The following SLC35F4 variants were observed in gnomAD, a reference collection of about 807,000 sequenced individuals.
SLC35F4 encodes solute carrier family 35 member F4.
Under a neutral mutation model 44.2 loss-of-function variants are expected in SLC35F4, and 24 were observed. The ratio of observed to expected loss-of-function variants is 0.54; its 90% CI spans 0.39 to 0.76. The LOEUF (loss-of-function observed/expected upper bound fraction) is 0.76. Among genes scored for constraint, SLC35F4 ranks in the 30% least tolerant of loss-of-function variants. The pLI, the probability that SLC35F4 is intolerant of heterozygous loss-of-function variation, is 0.00. For missense variants in SLC35F4, 562 were observed against 586.1 expected, an observed-to-expected ratio of 0.96 and a Z score of 0.42; for synonymous variants, 238 against 223.6, an observed-to-expected ratio of 1.06 and a Z score of -0.57.
chr14:57,586,758 C>T lies in SLC35F4; in HGVS notation c.587+2458G>A, dbSNP rs2069766764. On this transcript the variant is annotated intron_variant, in intron 3 of 7. Transcript: ENST00000556826. ...AAAAAAAAAAAAAAAGACTTCATGA[C>T]TAAAACACCAAAAGCAATGGCAACA... Among the ~76,000 whole-genome samples, 6 of 104,072 alleles carry T rather than the reference C, an allele frequency of 5.8e-5. No homozygotes were observed. In the South Asian group the frequency reaches 2.3e-3, roughly 39 times the overall value. 68.3% of individuals were successfully genotyped at this position (104,072 alleles called of 152,430 possible). A position where few individuals can be genotyped will look rare whatever the true frequency, so the allele number is the denominator to read the frequency against.
intron 1 of SLC35F4, among the ~76,000 whole-genome samples, chr14:57,675,159 C>T (rs1335925974): frequency 6.6e-6 from 1 of 152,034 alleles, no homozygotes; most frequent in Admixed American, 6.6e-5. Context: ...TGGTAGGGAA[C>T]TTTCTGATAG....
intron 1 of SLC35F4, among the ~76,000 whole-genome samples, chr14:57,725,427 G>A (rs115238329): frequency 0.019 from 2,858 of 152,326 alleles, 45 homozygotes; most frequent in African/African-American, 0.042. Flanking sequence ...GGAAAGGGTA[G>A]AGGTTTGTCC....
At chr14:57,972,240 T>A (rs183157724), downstream of SLC35F4, among the ~76,000 whole-genome samples, 87 of 152,208 alleles carry the variant, frequency 5.7e-4, 1 homozygote, top group Admixed American at 5.3e-3. Flanking sequence ...GTTCTAAATA[T>A]GAAAAAATGA....
At position 57,945,438 on chromosome 14, in the gene SLC35F4, AATGTGT is replaced by A. The variant is rs1455239646; in HGVS notation, n.282+36469_282+36474del. On this transcript the variant is annotated intron_variant and non_coding_transcript_variant, in intron 1 of 1. Transcript: ENST00000556568. ...CTCTTTACCAGGTAAGAGCAATGAT[AATGTGT>A]GTGTGTGTGTGTGTGTGTGTGTGTG... Among the ~76,000 whole-genome samples the A allele has an allele frequency of 2.3e-4, 17 of 75,448 alleles. 4 individuals are homozygous for A. In the East Asian group the frequency reaches 0.01, roughly 45 times the overall value. 49.5% of individuals were successfully genotyped at this position (75,448 alleles called of 152,430 possible).
At chr14:57,686,394 C>A (rs781602282) in intron 1 of SLC35F4, among the ~76,000 whole-genome samples, 3 of 152,146 alleles carry the variant, frequency 2.0e-5, no homozygotes, top group South Asian at 4.2e-4. Context: ...TCGTTCAGGG[C>A]AGTATCCTGG....
intron 1 of SLC35F4, among the ~76,000 whole-genome samples, chr14:57,729,349 G>A (rs1214436083): frequency 6.6e-6 from 1 of 152,150 alleles, no homozygotes; most frequent in Admixed American, 6.6e-5. Context: ...AAATGTGCTG[G>A]ATAACCCCTG....
At chr14:57,894,200 A>G (rs2141040996) in intron 1 of SLC35F4, among the ~76,000 whole-genome samples, 1 of 152,272 alleles carries the variant, frequency 6.6e-6, no homozygotes, top group Non-Finnish European at 1.5e-5. Context: ...TATTCAAGGT[A>G]CTATACAATG....
At chr14:57,633,554 A>T (rs895898161) in intron 1 of SLC35F4, among the ~76,000 whole-genome samples, 4 of 152,140 alleles carry the variant, frequency 2.6e-5, no homozygotes, top group Non-Finnish European at 5.9e-5. Context: ...AAGTTGCACA[A>T]CTTGTACAGA....
At chr14:57,637,704 A>T (rs1566712634) in intron 1 of SLC35F4, among the ~76,000 whole-genome samples, 1 of 152,134 alleles carries the variant, frequency 6.6e-6, no homozygotes. Context: ...TTTTAATATA[A>T]TGTAATACAA....
At chr14:57,807,764 T>C (rs1018166683) in intron 1 of SLC35F4, among the ~76,000 whole-genome samples, 48 of 152,042 alleles carry the variant, frequency 3.2e-4, no homozygotes, top group African/African-American at 1.1e-3. Flanking sequence ...AAAGGCTCAT[T>C]TATTTTTACT....
chr14:57,869,351 C>A (rs1888247772), upstream of SLC35F4, among the ~76,000 whole-genome samples: 1 of 152,010 alleles, frequency 6.6e-6, no homozygotes, highest in Non-Finnish European at 1.5e-5. Flanking sequence ...CAAAGATAAG[C>A]AGTCTGAAAA....
At chr14:57,703,460 G>C (rs1377238909) in intron 1 of SLC35F4, among the ~76,000 whole-genome samples, 5 of 152,184 alleles carry the variant, frequency 3.3e-5, no homozygotes, top group African/African-American at 4.8e-5. Context: ...ACAAATGTGA[G>C]TAATCCCCTT....
intron 1 of SLC35F4, among the ~76,000 whole-genome samples, chr14:57,978,335 G>A (rs565727570): frequency 3.3e-4 from 51 of 152,248 alleles, no homozygotes; most frequent in South Asian, 2.9e-3. Context: ...TAATAGAATC[G>A]ACACATACTT....
chr14:57,937,719 G>A (rs568873179), intron 1 of SLC35F4, among the ~76,000 whole-genome samples: 27 of 152,172 alleles, frequency 1.8e-4, no homozygotes, highest in African/African-American at 5.5e-4. Flanking sequence ...TTTGCTGATG[G>A]TAAATGAAGG....
At chr14:57,945,306 A>G (rs1890003888) in intron 1 of SLC35F4, among the ~76,000 whole-genome samples, 1 of 152,032 alleles carries the variant, frequency 6.6e-6, no homozygotes, top group South Asian at 2.1e-4. Flanking sequence ...CCTGAAAGCT[A>G]CTATTTCTGA....
chr14:57,653,966 T>C, intron 1 of SLC35F4, among the ~76,000 whole-genome samples: 1 of 152,158 alleles, frequency 6.6e-6, no homozygotes, highest in Non-Finnish European at 1.5e-5. Flanking sequence ...TGGTGGTTTG[T>C]TGGCAATCCT....
At position 57,833,956 on chromosome 14, in the gene SLC35F4, C is replaced by T. The variant is rs529578615; in HGVS notation, c.103+31767G>A. ...TTTTACCATAGGAATCTTTTTGTTC[C>T]CTCTCTTCACATGTTAAAATAAATC... On this transcript the variant is annotated intron_variant, in intron 1 of 7. Transcript: ENST00000556826. 8.6e-5 allele frequency among the ~76,000 whole-genome samples: 13 copies of T among 152,010 alleles called. No individual in the cohort carries two copies. In the East Asian group the frequency reaches 1.7e-3, roughly 20 times the overall value.
chr14:57,828,521 A>G (rs1884026590), intron 1 of SLC35F4, among the ~76,000 whole-genome samples: 3 of 152,250 alleles, frequency 2.0e-5, no homozygotes, highest in South Asian at 4.1e-4. Flanking sequence ...TGAAAAGATC[A>G]CTTTTCTATG....
chr14:57,773,321 A>T (rs1485474706), intron 1 of SLC35F4, among the ~76,000 whole-genome samples: 1 of 152,238 alleles, frequency 6.6e-6, no homozygotes, highest in Non-Finnish European at 1.5e-5. Flanking sequence ...ACACATATAC[A>T]TAACTCACCA....
Sources: gnomAD v4.1 joint callset for allele counts (sites outside exome capture counted in the v4.1 genomes callset) on GRCh38, gnomAD v4.1.1 for gene constraint, MANE v1.5 for transcripts, NCBI Gene and HGNC (gene_info 2026-07-23, HGNC 2026-07-21) for gene names.